Variants in SLC14A2 observed in about 807,000 individuals in gnomAD.
SLC14A2 encodes solute carrier family 14 member 2.
A neutral mutation model predicts 104.6 loss-of-function variants in SLC14A2; 91 were observed. The ratio of observed to expected loss-of-function variants is 0.87; its 90% CI spans 0.73 to 1.04. The LOEUF (loss-of-function observed/expected upper bound fraction) is 1.04, where lower values mean the gene tolerates loss of function less well. Among genes scored for constraint, SLC14A2 ranks in the 50% least tolerant of loss-of-function variants. The pLI is 0.00. For synonymous variants in SLC14A2, 476 were observed against 466.4 expected (o/e 1.02, Z -0.27); for missense variants, 1,189 against 1,156.0 (o/e 1.03, Z -0.41).
chr18:45,354,327 G>C (rs894239693), intron 1 of SLC14A2, among the ~76,000 whole-genome samples: 1 of 152,194 alleles, frequency 6.6e-6, no homozygotes, highest in Non-Finnish European at 1.5e-5. Flanking sequence ...GGAGGAGGCT[G>C]ATTTCTGAGA....
intron 2 of SLC14A2, among the ~76,000 whole-genome samples, chr18:45,594,277 T>C (rs2044692542): frequency 6.6e-6 from 1 of 152,136 alleles, no homozygotes; most frequent in African/African-American, 2.4e-5. Flanking sequence ...TATTAGGAAA[T>C]GCACTATAGC....
At chr18:45,284,201 G>C (rs995308171) in intron 1 of SLC14A2, among the ~76,000 whole-genome samples, 5 of 152,092 alleles carry the variant, frequency 3.3e-5, no homozygotes, top group Admixed American at 2.6e-4. Context: ...GCTAACACAC[G>C]GAACACTGTA....
Position 45,284,532 on chromosome 18 carries a change from GGCTCTAGTA to G in SLC14A2, c.-125+71348_-125+71356del, listed in dbSNP as rs541035218. 1.9e-3 allele frequency among the ~76,000 whole-genome samples: 285 copies of G among 152,196 alleles called. 3 individuals carry two copies. The highest frequency in any genetic ancestry group is 6.5e-3 in the African/African-American group (271 of 41,530). On this transcript the variant is annotated intron_variant, in intron 1 of 20. Coordinates refer to the SLC14A2 transcript ENST00000586448. ...CAGGTAAAGTGGCTGCTAGACCCTG[GGCTCTAGTA>G]GCTCTACCTCCTCCATTCATCCTTC...
chr18:45,192,997 C>T, the SLC14A2 span, among the ~76,000 whole-genome samples: 2 of 152,088 alleles, frequency 1.3e-5, no homozygotes, highest in East Asian at 3.8e-4. Flanking sequence ...TTTCCTTTCC[C>T]TAATGATTAT....
intron 1 of SLC14A2, among the ~76,000 whole-genome samples, chr18:45,390,959 AG>A (rs893173142): frequency 1.3e-5 from 2 of 152,194 alleles, no homozygotes; most frequent in African/African-American, 4.8e-5. Context: ...TTTAAGTTTT[AG>A]GGTACATGTG....
At chr18:45,180,058 AG>A in the SLC14A2 span, 2 of 152,398 alleles carry the variant, frequency 1.3e-5, no homozygotes, top group Non-Finnish European at 2.9e-5. Flanking sequence ...CTGAGGTGGG[AG>A]AATAGCTTGA....
At chr18:45,511,756 C>A (rs2043368562) in intron 2 of SLC14A2, among the ~76,000 whole-genome samples, 1 of 152,176 alleles carries the variant, frequency 6.6e-6, no homozygotes. Context: ...CATAGGAGTT[C>A]TTCCATTTGT....
chr18:45,437,542 C>T (rs1598812999), intron 1 of SLC14A2, among the ~76,000 whole-genome samples: 1 of 152,200 alleles, frequency 6.6e-6, no homozygotes, highest in Admixed American at 6.5e-5. Context: ...CAGCTGCTAG[C>T]CACCCTCATG....
intron 1 of SLC14A2, among the ~76,000 whole-genome samples, chr18:45,344,953 T>C (rs937509878): frequency 3.9e-5 from 6 of 152,192 alleles, no homozygotes; most frequent in African/African-American, 1.4e-4. Context: ...GACTGAACCG[T>C]GGCCTCTTCC....
chr18:45,240,630 G>GTTTTTTTT (rs375137254), intron 1 of SLC14A2, among the ~76,000 whole-genome samples: 1 of 141,512 alleles, frequency 7.1e-6, no homozygotes, highest in African/African-American at 2.7e-5. Context: ...GGGAGAAAGT[G>GTTTTTTTT]TTTTTTTTTT....
rs757671367 is a variant in SLC14A2, at chr18:45,668,373, C to T, written c.1932C>T (p.His644=). ...QDKSAIAAGF[H]GYNGVLVGLL... ...GGTCGGCCATCGCTGCAGGATTTCA[C>T]GGCTACAATGGGGTGCTGGTGGGGC... The change falls in exon 15 of 20, where the codon CAC becomes CAT. Residue 644 remains histidine, a synonymous_variant. Transcript: ENST00000255226. 2.7e-5 allele frequency: 43 copies of T among 1,614,110 alleles called. No individual in the cohort carries two copies. In the East Asian group the frequency reaches 3.3e-4, roughly 13 times the overall value.
At chr18:45,577,360 C>T (rs1394882910) in intron 2 of SLC14A2, among the ~76,000 whole-genome samples, 1 of 152,132 alleles carries the variant, frequency 6.6e-6, no homozygotes, top group Non-Finnish European at 1.5e-5. Flanking sequence ...CAAAGTCATA[C>T]AGTATCACTT....
intron 2 of SLC14A2, among the ~76,000 whole-genome samples, chr18:45,593,190 G>T (rs932233883): frequency 6.6e-6 from 1 of 151,866 alleles, no homozygotes; most frequent in African/African-American, 2.4e-5. Flanking sequence ...TGGTGGCGGC[G>T]CCTGTAGTCC....
At chr18:45,241,155 T>C (rs184436446) in intron 1 of SLC14A2, among the ~76,000 whole-genome samples, 95 of 152,280 alleles carry the variant, frequency 6.2e-4, no homozygotes, top group African/African-American at 2.1e-3. Flanking sequence ...ATGGCTGCAA[T>C]AGAGACAGCA....
chr18:45,630,415 A>G (rs367744521), intron 4 of SLC14A2, among the ~76,000 whole-genome samples: 7 of 152,142 alleles, frequency 4.6e-5, no homozygotes, highest in African/African-American at 1.7e-4. Flanking sequence ...CTACTAGCCT[A>G]AGACTATACT....
chr18:45,404,515 T>A (rs948585030), intron 1 of SLC14A2, among the ~76,000 whole-genome samples: 1 of 152,192 alleles, frequency 6.6e-6, no homozygotes, highest in Non-Finnish European at 1.5e-5. Flanking sequence ...GAAGGTTAGA[T>A]GGCATAATGC....
At chr18:45,641,983 A>G (rs1156944991) in intron 8 of SLC14A2, among the ~76,000 whole-genome samples, 1 of 152,224 alleles carries the variant, frequency 6.6e-6, no homozygotes, top group Non-Finnish European at 1.5e-5. Context: ...CCCCCCAAGA[A>G]TACCACCAGG....
chr18:45,538,110 C>A (rs144114811), intron 2 of SLC14A2, among the ~76,000 whole-genome samples: 12 of 152,276 alleles, frequency 7.9e-5, no homozygotes, highest in African/African-American at 2.9e-4. Context: ...GCTCAGTGCC[C>A]TTCCATGCAG....
At chr18:45,555,691 G>A (rs1281534138) in intron 2 of SLC14A2, among the ~76,000 whole-genome samples, 2 of 152,220 alleles carry the variant, frequency 1.3e-5, no homozygotes, top group East Asian at 3.8e-4. Flanking sequence ...TAGACACTCT[G>A]AGTGGATGTA....
Sources: allele counts gnomAD v4.1 joint callset (sites outside exome capture counted in the v4.1 genomes callset), GRCh38; gene constraint gnomAD v4.1.1; transcripts MANE v1.5; gene names NCBI Gene and HGNC (gene_info 2026-07-23, HGNC 2026-07-21).